The following RAB40C variants were observed in gnomAD, a reference collection of about 807,000 sequenced individuals.
The protein encoded by RAB40C is ras-related protein Rab-40C.
Under a neutral mutation model 28.1 loss-of-function variants are expected in RAB40C, and 8 were observed. The ratio of observed to expected loss-of-function variants is 0.28; its 90% CI spans 0.17 to 0.51. The LOEUF (loss-of-function observed/expected upper bound fraction) is 0.51, where lower values mean the gene tolerates loss of function less well. Ranked by LOEUF, RAB40C falls within the 20% of genes least tolerant of loss-of-function variation. The pLI is 0.97. For missense variants in RAB40C, 288 were observed against 405.9 expected, an observed-to-expected ratio of 0.71 and a Z score of 2.50; for synonymous variants, 201 against 171.7, an observed-to-expected ratio of 1.17 and a Z score of -1.34.
chr16:595,928 C>A (rs938786801), intron 1 of RAB40C, among the ~76,000 whole-genome samples: 1 of 152,212 alleles, frequency 6.6e-6, no homozygotes, highest in Non-Finnish European at 1.5e-5. Flanking sequence ...ATAAGTTGGA[C>A]TGGCATGGCC....
intron 3 of RAB40C, among the ~76,000 whole-genome samples, chr16:623,550 A>T (rs2036766329): frequency 6.6e-6 from 1 of 151,600 alleles, no homozygotes; most frequent in Non-Finnish European, 1.5e-5. Flanking sequence ...GCTACTCAGG[A>T]GACTGAGGCA....
intron 3 of RAB40C, among the ~76,000 whole-genome samples, chr16:621,102 G>A (rs755572382): frequency 2.6e-5 from 4 of 152,230 alleles, no homozygotes; most frequent in African/African-American, 4.8e-5. Context: ...TTCCACATGC[G>A]AGGAGCAGGT....
At chr16:620,525 A>G (rs1164700300) in intron 3 of RAB40C, among the ~76,000 whole-genome samples, 2 of 152,240 alleles carry the variant, frequency 1.3e-5, no homozygotes, top group Non-Finnish European at 2.9e-5. Flanking sequence ...TATGGGGCGC[A>G]GTTATGTTGG....
In RAB40C at chr16:592,713, G is replaced by A. The variant is rs530550160; in HGVS notation, c.142+2280G>A. On this transcript the variant is annotated intron_variant, in intron 1 of 5. Transcript: ENST00000248139. ...TGTTTGTGCATGTTCAGAAGAGCAC[G>A]GGAAGGATTGGGTTTCATCAATCGG... Among the ~76,000 whole-genome samples, 10 of 152,382 alleles carry A rather than the reference G, an allele frequency of 6.6e-5. 1 individual carries two copies. Among genetic ancestry groups the A allele is most frequent in the African/African-American group, 2.4e-4 (10 of 41,594 alleles).
intron 3 of RAB40C, chr16:624,882 C>T (rs184384355): frequency 1.5e-5 from 15 of 985,472 alleles, no homozygotes; most frequent in Non-Finnish European, 1.8e-5. Context: ...CAGAGCTGAG[C>T]TCCAAGTAAT....
At chr16:608,906 G>A (rs1343559726) in intron 1 of RAB40C, among the ~76,000 whole-genome samples, 1 of 152,158 alleles carries the variant, frequency 6.6e-6, no homozygotes, top group African/African-American at 2.4e-5. Context: ...CTTGAGCTCA[G>A]GAGCTCAAGA....
rs2036557768 is a variant in RAB40C at position 614,941 on chromosome 16, G to C, written c.143-2267G>C. Among the ~76,000 whole-genome samples, 3 of 152,338 alleles carry C rather than the reference G, an allele frequency of 2.0e-5. No individual in the cohort carries two copies. The South Asian group carries it at 6.2e-4, about 32-fold the overall frequency. The stretch of plus-strand genomic sequence containing the variant: ...CCGCATCCTGATGAACTGCTTAATG[G>C]CGTTGTCCCTGGGTACACATTGGGT... On this transcript the variant is annotated intron_variant, in intron 1 of 5. Transcript: ENST00000248139.
intron 1 of RAB40C, among the ~76,000 whole-genome samples, chr16:607,964 G>A (rs914244545): frequency 1.3e-5 from 2 of 152,126 alleles, no homozygotes; most frequent in African/African-American, 4.8e-5. Flanking sequence ...CCTCTGAAGG[G>A]TGCCTGAGTC....
chr16:623,361 C>A (rs1231216609), intron 3 of RAB40C, among the ~76,000 whole-genome samples: 1 of 152,166 alleles, frequency 6.6e-6, no homozygotes, highest in African/African-American at 2.4e-5. Flanking sequence ...TTTTAAAAAT[C>A]ATGCTGGGCC....
At chr16:614,656 A>T (rs964756560) in intron 1 of RAB40C, among the ~76,000 whole-genome samples, 1 of 149,992 alleles carries the variant, frequency 6.7e-6, no homozygotes, top group Non-Finnish European at 1.5e-5. Context: ...CCGATGGTGA[A>T]CTGCCAAACT....
Position 628,471 on chromosome 16 carries a change from G to C in RAB40C, c.*849G>C, listed in dbSNP as rs56175015. ...CACCTGCGTGCAGCCTCCTGTTCTCGGCAGCTTCTGTCGCTGGCCCTGGGG... is the reference window on the plus strand; with the variant it reads ...CACCTGCGTGCAGCCTCCTGTTCTCCGCAGCTTCTGTCGCTGGCCCTGGGG... On this transcript the variant is annotated 3_prime_UTR_variant, in exon 6 of 6. Transcript: ENST00000248139. 2 of 152,278 alleles carry C rather than the reference G, an allele frequency of 1.3e-5. No homozygotes were observed. The highest frequency in any genetic ancestry group is 2.9e-5 in the Non-Finnish European group (2 of 68,096). 9.4% of individuals were successfully genotyped at this position (152,278 alleles called of 1,614,324 possible).
Position 590,249 on chromosome 16 carries a change from G to A in RAB40C, c.-43G>A, listed in dbSNP as rs750446952. ...TCTCACGCCGCGGCCTCACCCGGCGGTGCTTCGGCAGGCGGCCGGCGCGGG... is the reference window on the plus strand; with the variant it reads ...TCTCACGCCGCGGCCTCACCCGGCGATGCTTCGGCAGGCGGCCGGCGCGGG... On this transcript the variant is annotated 5_prime_UTR_variant, in exon 1 of 6. The change creates a new upstream start codon in the 5' untranslated region. Transcript: ENST00000248139. The A allele has an allele frequency of 7.2e-7, 1 of 1,384,088 alleles. No homozygotes were observed. The highest frequency in any genetic ancestry group is 1.5e-5 in the South Asian group (1 of 65,800). 85.7% of individuals were successfully genotyped at this position (1,384,088 alleles called of 1,614,324 possible).
Position 624,847 on chromosome 16 carries a change from A to G in RAB40C, c.265-585A>G, listed in dbSNP as rs191785753. The G allele has an allele frequency of 2.1e-3, 2,079 of 985,392 alleles. 5 individuals carry two copies. Among genetic ancestry groups the G allele is most frequent in the South Asian group, 8.9e-3 (190 of 21,294 alleles). The allele number at this position is 985,392 out of a possible 1,614,324, so 61.0% of individuals were successfully genotyped here. On this transcript the variant is annotated intron_variant, in intron 3 of 5. Transcript: ENST00000248139. ...GAGAGCCATGACTGTCACTGCCGAG[A>G]TATTTAGGGCAGGTGGAAACAGCCC...
intron 1 of RAB40C, among the ~76,000 whole-genome samples, chr16:604,335 A>G (rs1332172277): frequency 1.3e-5 from 2 of 152,220 alleles, no homozygotes; most frequent in Admixed American, 6.5e-5. Context: ...CTAAACTATA[A>G]CACAAATACG....
chr16:592,343 C>T lies in RAB40C; in HGVS notation c.142+1910C>T, dbSNP rs558400310. On this transcript the variant is annotated intron_variant, in intron 1 of 5. Coordinates refer to ENST00000248139, the MANE Select transcript of RAB40C (RefSeq NM_021168.5). Reference sequence around the variant, plus strand: ...TGGGATTACCTGGACTGAGGCTGAGCGCGCTTCCTCCTGGCATGGCTTCAG... The same window carrying T: ...TGGGATTACCTGGACTGAGGCTGAGTGCGCTTCCTCCTGGCATGGCTTCAG... Among the ~76,000 whole-genome samples, 7 of 152,298 alleles carry T rather than the reference C, an allele frequency of 4.6e-5. No homozygotes were observed. In the East Asian group the frequency reaches 1.2e-3, roughly 25 times the overall value.
At chr16:607,091 C>G (rs1006276842) in intron 1 of RAB40C, among the ~76,000 whole-genome samples, 7 of 152,212 alleles carry the variant, frequency 4.6e-5, no homozygotes, top group Non-Finnish European at 8.8e-5. Context: ...GCCAGCCTCC[C>G]TCGGCTGCCT....
At chr16:599,518 A>G (rs2036204771) in intron 1 of RAB40C, among the ~76,000 whole-genome samples, 1 of 152,268 alleles carries the variant, frequency 6.6e-6, no homozygotes, top group East Asian at 1.9e-4. Context: ...GTCGATAGGC[A>G]TGTACGTGAA....
At chr16:619,055 A>G (rs2036655048) in intron 3 of RAB40C, among the ~76,000 whole-genome samples, 1 of 128,974 alleles carries the variant, frequency 7.8e-6, no homozygotes, top group Non-Finnish European at 1.6e-5. Flanking sequence ...GTGTGTGCAC[A>G]GGTGTAGTGG....
intron 1 of RAB40C, among the ~76,000 whole-genome samples, chr16:611,084 G>A (rs1251019360): frequency 6.6e-6 from 1 of 152,242 alleles, no homozygotes; most frequent in Non-Finnish European, 1.5e-5. Flanking sequence ...CGGGTGCGGA[G>A]CCTGCAGGAT....
Sources: gnomAD v4.1 joint callset for allele counts (sites outside exome capture counted in the v4.1 genomes callset) on GRCh38, gnomAD v4.1.1 for gene constraint, MANE v1.5 for transcripts, NCBI Gene and HGNC (gene_info 2026-07-23, HGNC 2026-07-21) for gene names.